The following TK1 variants were observed in gnomAD, a reference collection of about 807,000 sequenced individuals.
TK1 encodes thymidine kinase, cytosolic.
In TK1, 13 loss-of-function variants were observed where a neutral mutation model predicts 22.4. The observed-to-expected ratio is 0.58, with a 90% CI of 0.38 to 0.92. TK1 has a LOEUF of 0.92. TK1 is among the 40% of genes least tolerant of loss of function. TK1 has a pLI of 0.00. For missense variants in TK1, 251 were observed against 315.7 expected, an observed-to-expected ratio of 0.80 and a Z score of 1.55; for synonymous variants, 134 against 125.4, an observed-to-expected ratio of 1.07 and a Z score of -0.46.
At chr17:78,186,647 T>G in intron 2 of TK1, 140 bp downstream of exon 2, 8 of 824,724 alleles carry the variant, frequency 9.7e-6, no homozygotes, top group Non-Finnish European at 1.5e-5. Context: ...TAGGAGGCTG[T>G]GCTGGTCCTT....
intron 5 of TK1, 128 bp from the exon 6 acceptor site, chr17:78,175,297 C>T (rs896031614): frequency 1.5e-6 from 2 of 1,337,620 alleles, no homozygotes; most frequent in Non-Finnish European, 2.0e-6. Flanking sequence ...CCCCCAACCC[C>T]CAGAGCACCA....
intron 4 of TK1, among the ~76,000 whole-genome samples, chr17:78,182,158 T>C (rs1202377663): frequency 1.3e-5 from 2 of 152,114 alleles, no homozygotes; most frequent in Non-Finnish European, 2.9e-5. Flanking sequence ...GCGGATCACC[T>C]GAGGTTGGGA....
At chr17:78,175,451 G>A (rs2075691865) in intron 5 of TK1, 78 bp downstream of exon 5, 3 of 1,419,940 alleles carry the variant, frequency 2.1e-6, no homozygotes, top group Non-Finnish European at 2.9e-6. Flanking sequence ...TGGTCACCCA[G>A]AGCTGGTGTC....
At chr17:78,176,946 C>A (rs1304873659) in intron 4 of TK1, among the ~76,000 whole-genome samples, 1 of 152,192 alleles carries the variant, frequency 6.6e-6, no homozygotes, top group Admixed American at 6.6e-5. Context: ...GAGTTGAGAA[C>A]CTTGCTCCTT....
chr17:78,179,336 G>A (rs560059687), intron 4 of TK1: 4 of 985,388 alleles, frequency 4.1e-6, no homozygotes, highest in African/African-American at 1.7e-5. Context: ...TCACTTTCTC[G>A]CCAGGAGTCC....
chr17:78,182,447 C>G (rs1327204436), intron 4 of TK1, 142 bp downstream of exon 4: 7 of 534,728 alleles, frequency 1.3e-5, no homozygotes, highest in Non-Finnish European at 1.9e-5. Flanking sequence ...AAGGGGCCTT[C>G]AGAGGGTATT....
intron 2 of TK1, among the ~76,000 whole-genome samples, chr17:78,185,469 C>A (rs2075776569): frequency 6.6e-6 from 1 of 152,134 alleles, no homozygotes; most frequent in South Asian, 2.1e-4. Flanking sequence ...GTAGAGGGAA[C>A]CTGCGACTGC....
chr17:78,174,570 G>C lies in TK1; in HGVS notation c.*189C>G, dbSNP rs2075683247. The C allele has an allele frequency of 1.5e-6, 1 of 668,462 alleles. No homozygotes were observed. The highest frequency in any genetic ancestry group is 2.5e-6 in the Non-Finnish European group (1 of 401,946). 41.4% of individuals were successfully genotyped at this position (668,462 alleles called of 1,614,324 possible). On this transcript the variant is annotated 3_prime_UTR_variant, in exon 7 of 7. Coordinates refer to ENST00000301634, the MANE Select transcript of TK1 (RefSeq NM_003258.5). ...GCAGCTGAGAGGGAAGCTTTAAGCA[G>C]ACCAGTGGGTAGGAGAGGAGGGAGC...
intron 3 of TK1, 111 bp downstream of exon 3, chr17:78,184,944 G>T: frequency 2.4e-6 from 2 of 845,956 alleles, no homozygotes; most frequent in South Asian, 1.6e-5. Context: ...GTGCTGATTT[G>T]AATCATTCAA....
intron 3 of TK1, among the ~76,000 whole-genome samples, chr17:78,184,253 G>A (rs1243469376): frequency 1.3e-5 from 2 of 152,176 alleles, no homozygotes; most frequent in African/African-American, 4.8e-5. Flanking sequence ...AGCTCCCACC[G>A]AAGGCCACAC....
chr17:78,185,206 G>T, intron 2 of TK1, 41 bp from the exon 3 acceptor site: 1 of 1,543,558 alleles, frequency 6.5e-7, no homozygotes, highest in Non-Finnish European at 8.9e-7. Flanking sequence ...CACGGCGGGA[G>T]GAGTGGGAGA....
chr17:78,183,585 G>A (rs2075755188), intron 3 of TK1, among the ~76,000 whole-genome samples: 1 of 152,094 alleles, frequency 6.6e-6, no homozygotes, highest in Non-Finnish European at 1.5e-5. Flanking sequence ...CACCTGCTCA[G>A]GGGGCTGAGG....
chr17:78,178,200 G>T (rs141662746), intron 4 of TK1, among the ~76,000 whole-genome samples: 1,829 of 152,140 alleles, frequency 0.012, 11 homozygotes, highest in Non-Finnish European at 0.018. Context: ...ATAAATCAGA[G>T]CTCCTACTAT....
Position 78,182,596 on chromosome 17 carries a change from C to G in TK1, c.296G>C (p.Gly99Ala), listed in dbSNP as rs745898289. ...LGVAVIGIDE[G>A]QFFPDIVEFC... ...CAAGACAAGCCAACTTACAAACTGC[C>G]CCTCGTCGATGCCTATGACAGCCAC... The change falls in exon 4 of 7, where the codon GGG becomes GCG. Residue 99 changes from glycine (G) to alanine (A), a missense_variant. By Grantham distance (60) the Gly-to-Ala change is moderately conservative. Transcript: ENST00000301634. 1.9e-6 allele frequency: 3 copies of G among 1,582,544 alleles called. No individual in the cohort carries two copies. The South Asian group carries it at 3.5e-5, about 18-fold the overall frequency.
rs549146713 is a variant in TK1, at chr17:78,182,523, C to T, written c.303+66G>A. On this transcript the variant is annotated intron_variant, in intron 4 of 6. Coordinates refer to ENST00000301634, the MANE Select transcript of TK1 (RefSeq NM_003258.5). Reference sequence around the variant, plus strand: ...AAAGATCAGATAACTTCCAAGTCAGCGAGGGAAAACGGGAGGACAGAGCGG... The same window carrying T: ...AAAGATCAGATAACTTCCAAGTCAGTGAGGGAAAACGGGAGGACAGAGCGG... The T allele has an allele frequency of 1.5e-5, 19 of 1,271,994 alleles. No individual in the cohort carries two copies. In the Admixed American group the frequency reaches 1.6e-4, roughly 10 times the overall value. The allele number at this position is 1,271,994 out of a possible 1,614,324, so 78.8% of individuals were successfully genotyped here. A position where few individuals can be genotyped will look rare whatever the true frequency, so the allele number is the denominator to read the frequency against.
chr17:78,181,717 C>A (rs1226802001), intron 4 of TK1, among the ~76,000 whole-genome samples: 1 of 151,844 alleles, frequency 6.6e-6, no homozygotes, highest in Non-Finnish European at 1.5e-5. Context: ...GTATAAGAAA[C>A]AAGCAAAAGG....
intron 4 of TK1, among the ~76,000 whole-genome samples, chr17:78,182,145 G>A (rs1363713288): frequency 6.6e-6 from 1 of 151,944 alleles, no homozygotes; most frequent in African/African-American, 2.4e-5. Flanking sequence ...AGTTCAAGGC[G>A]GGGCGGATCA....
At position 78,182,644 on chromosome 17, in the gene TK1, T is replaced by C. The variant is rs757946430; in HGVS notation, c.248A>G (p.Asp83Gly). The change falls in exon 4 of 7, where the codon GAC (aspartate) becomes GGC (glycine). Residue 83 changes from aspartate (D) to glycine (G), a missense_variant. Coordinates refer to ENST00000301634, the MANE Select transcript of TK1 (RefSeq NM_003258.5). The stretch of plus-strand genomic sequence containing the variant: ...CACGCCCAGGGCCTCCTGGGCCACG[T>C]CTCGGAGCAGGCAGGCGGGCAGTGC... ...MEALPACLLR[D>G]VAQEALGVAV... The C allele has an allele frequency of 1.9e-6, 3 of 1,595,664 alleles. No individual in the cohort carries two copies. In the African/African-American group the frequency reaches 4.0e-5, roughly 21 times the overall value.
upstream of TK1, chr17:78,187,116 G>T: frequency 1.7e-6 from 2 of 1,157,574 alleles, no homozygotes; most frequent in Non-Finnish European, 2.5e-6. Context: ...CGGCCCCGCC[G>T]CCATGGGGCC....
Sources: allele counts gnomAD v4.1 joint callset (sites outside exome capture counted in the v4.1 genomes callset), GRCh38; gene constraint gnomAD v4.1.1; transcripts MANE v1.5; gene names NCBI Gene and HGNC (gene_info 2026-07-23, HGNC 2026-07-21).